Variants in CEP63 observed in about 807,000 individuals in gnomAD.
The protein encoded by CEP63 is centrosomal protein 63.
A neutral mutation model predicts 89.1 loss-of-function variants in CEP63; 84 were observed. The ratio of observed to expected loss-of-function variants is 0.94; its 90% CI spans 0.79 to 1.13. The LOEUF (loss-of-function observed/expected upper bound fraction) is 1.13, where lower values mean the gene tolerates loss of function less well. CEP63 is among the 50% of genes most tolerant of loss of function. CEP63 has a pLI of 0.00. For synonymous variants in CEP63, 267 were observed against 272.5 expected, an observed-to-expected ratio of 0.98 and a Z score of 0.20; for missense variants, 838 against 813.3, an observed-to-expected ratio of 1.03 and a Z score of -0.37.
the CEP63 span, among the ~76,000 whole-genome samples, chr3:134,738,687 G>A: frequency 6.6e-6 from 1 of 151,978 alleles, no homozygotes; most frequent in Non-Finnish European, 1.5e-5. Context: ...CAGGTGATGG[G>A]TGCACAAAAA....
chr3:134,576,864 C>A (rs1054600534), downstream of CEP63, among the ~76,000 whole-genome samples: 1 of 152,178 alleles, frequency 6.6e-6, no homozygotes, highest in Non-Finnish European at 1.5e-5. Context: ...TAAAACTTGG[C>A]TCCCTGTGTT....
the CEP63 span, among the ~76,000 whole-genome samples, chr3:134,611,602 G>A: frequency 6.6e-6 from 1 of 152,352 alleles, no homozygotes; most frequent in East Asian, 1.9e-4. Context: ...CTGTGAAACC[G>A]AGGATGTGCT....
intron 10 of CEP63, among the ~76,000 whole-genome samples, chr3:134,584,571 C>T (rs532153315): frequency 1.9e-4 from 29 of 152,216 alleles, no homozygotes; most frequent in African/African-American, 6.3e-4. Flanking sequence ...CTGCTAGATT[C>T]GGTTTGCCAG....
chr3:134,613,974 C>A, the CEP63 span, among the ~76,000 whole-genome samples: 1 of 152,132 alleles, frequency 6.6e-6, no homozygotes, highest in South Asian at 2.1e-4. Flanking sequence ...CATGACATGG[C>A]ACCATACAAC....
chr3:134,583,494 G>T (rs2110336539), intron 10 of CEP63, among the ~76,000 whole-genome samples: 1 of 152,086 alleles, frequency 6.6e-6, no homozygotes, highest in East Asian at 1.9e-4. Context: ...AGTTGTAGAT[G>T]TGTGGTATTA....
chr3:134,654,878 G>T, the CEP63 span, among the ~76,000 whole-genome samples: 1 of 152,148 alleles, frequency 6.6e-6, no homozygotes, highest in African/African-American at 2.4e-5. Flanking sequence ...GGGAATGCCA[G>T]TTCTCTGTGG....
the CEP63 span, among the ~76,000 whole-genome samples, chr3:134,593,900 G>T: frequency 6.6e-6 from 1 of 152,272 alleles, no homozygotes; most frequent in South Asian, 2.1e-4. Flanking sequence ...TGGAGAAGGG[G>T]ATCTGATACT....
At chr3:134,628,873 T>G in the CEP63 span, among the ~76,000 whole-genome samples, 3 of 152,232 alleles carry the variant, frequency 2.0e-5, no homozygotes, top group African/African-American at 7.2e-5. Flanking sequence ...TACAGTAGAC[T>G]ACTTTCTTGA....
At chr3:134,666,762 C>T in the CEP63 span, among the ~76,000 whole-genome samples, 1 of 152,210 alleles carries the variant, frequency 6.6e-6, no homozygotes. Flanking sequence ...TTCATTTATC[C>T]AGCTCTGCTA....
chr3:134,646,330 G>A, the CEP63 span, among the ~76,000 whole-genome samples: 1 of 152,202 alleles, frequency 6.6e-6, no homozygotes, highest in East Asian at 1.9e-4. Context: ...CAGTGGTGGG[G>A]TGGGGATGGG....
the CEP63 span, chr3:134,627,746 T>G: frequency 1.1e-4 from 170 of 1,613,172 alleles, no homozygotes; most frequent in African/African-American, 1.6e-3. Flanking sequence ...TGGAAGACTC[T>G]GGAACTTACC....
At chr3:134,753,257 A>C in the CEP63 span, among the ~76,000 whole-genome samples, 1 of 152,056 alleles carries the variant, frequency 6.6e-6, no homozygotes, top group Non-Finnish European at 1.5e-5. Context: ...TTCTCTTTGC[A>C]TCTGTCACCA....
chr3:134,508,437 T>C (rs1944008030), intron 3 of CEP63, among the ~76,000 whole-genome samples: 2 of 152,300 alleles, frequency 1.3e-5, no homozygotes, highest in South Asian at 4.1e-4. Context: ...AAATCATAAT[T>C]TAGGCAGGGT....
the CEP63 span, among the ~76,000 whole-genome samples, chr3:134,640,276 T>C: frequency 1.3e-5 from 2 of 152,120 alleles, no homozygotes; most frequent in South Asian, 2.1e-4. Flanking sequence ...CTGTCCTGTA[T>C]GGAAGAGACA....
chr3:134,745,415 A>G, the CEP63 span, among the ~76,000 whole-genome samples: 1 of 152,160 alleles, frequency 6.6e-6, no homozygotes, highest in Non-Finnish European at 1.5e-5. Flanking sequence ...TCAATTCATA[A>G]AGTCTGAACA....
At chr3:134,542,573 A>T (rs1206880249) in intron 6 of CEP63, among the ~76,000 whole-genome samples, 1 of 152,158 alleles carries the variant, frequency 6.6e-6, no homozygotes, top group Non-Finnish European at 1.5e-5. Context: ...TCATACTGGG[A>T]TTCTTTGGAA....
chr3:134,503,727 T>G (rs1436185376), intron 2 of CEP63, among the ~76,000 whole-genome samples: 1 of 152,194 alleles, frequency 6.6e-6, no homozygotes, highest in African/African-American at 2.4e-5. Context: ...AATATCTTGT[T>G]GCTGAATTGA....
At chr3:134,537,828 C>T (rs1051956486) in intron 6 of CEP63, among the ~76,000 whole-genome samples, 9 of 152,128 alleles carry the variant, frequency 5.9e-5, no homozygotes, top group South Asian at 2.1e-4. Context: ...CGGACAGATA[C>T]GGAGAGAGTC....
At chr3:134,605,239 T>A in the CEP63 span, among the ~76,000 whole-genome samples, 1 of 152,120 alleles carries the variant, frequency 6.6e-6, no homozygotes, top group Non-Finnish European at 1.5e-5. Context: ...ACCTGCCTGG[T>A]CCCTCCTGGC....
Sources: allele counts gnomAD v4.1 joint callset (sites outside exome capture counted in the v4.1 genomes callset), GRCh38; gene constraint gnomAD v4.1.1; transcripts MANE v1.5; gene names NCBI Gene and HGNC (gene_info 2026-07-23, HGNC 2026-07-21).